Variants in CHRNE observed in about 807,000 individuals in gnomAD.
CHRNE encodes the protein cholinergic receptor nicotinic epsilon subunit.
In CHRNE, 58 loss-of-function variants were observed where a neutral mutation model predicts 56.5. The observed-to-expected ratio is 1.03, with a 90% confidence interval of 0.83 to 1.28. The LOEUF (loss-of-function observed/expected upper bound fraction) is 1.28. CHRNE is among the 50% of genes most tolerant of loss of function. The pLI is 0.00. For synonymous variants in CHRNE, 385 were observed against 297.9 expected (o/e 1.29, Z -3.01); for missense variants, 793 against 688.9 (o/e 1.15, Z -1.69).
upstream of CHRNE, among the ~76,000 whole-genome samples, chr17:4,904,033 T>C (rs1487589530): frequency 6.6e-6 from 1 of 151,906 alleles, no homozygotes; most frequent in African/African-American, 2.4e-5. Flanking sequence ...AATTTTTGTA[T>C]TTTTTAGTAG....
chr17:4,901,311 A>C, intron 6 of CHRNE, 121 bp from the exon 7 acceptor site: 1 of 1,145,704 alleles, frequency 8.7e-7, no homozygotes, highest in South Asian at 1.3e-5. Context: ...GATGGGGGCA[A>C]TTACGGACAG....
upstream of CHRNE, among the ~76,000 whole-genome samples, chr17:4,903,383 T>C (rs1003018187): frequency 2.7e-4 from 41 of 152,132 alleles, no homozygotes; most frequent in Admixed American, 1.5e-3. Flanking sequence ...TGGGAGACAC[T>C]GCTTTCAGCA....
Position 4,902,353 on chromosome 17 carries a change from G to A in CHRNE, c.235-27C>T, listed in dbSNP as rs200966979. The A allele has an allele frequency of 2.2e-4, 358 of 1,613,084 alleles. No individual in the cohort carries two copies. The highest frequency in any genetic ancestry group is 2.9e-4 in the East Asian group (13 of 44,868). On this transcript the variant is annotated intron_variant, in intron 3 of 11. Transcript: ENST00000649488. This position sits in a 1 kb window ranked among gnomAD's most constrained non-coding sequence, Gnocchi z 4.0. ...TAAGGGGTGGGGGATGGAAGGCCGC[G>A]TGCCCTGCATCTCCCACCTGGCGCT...
chr17:4,898,591 A>AGCGG lies in CHRNE; in HGVS notation c.*144_*145insCCGC. ...GCGGCCAGGCCTACACACGCCAGGG[A>AGCGG]ACGGGCACACACCATTCTTGTGAAG... is the stretch of plus-strand genomic sequence containing the variant. On this transcript the variant is annotated 3_prime_UTR_variant, in exon 12 of 12. Transcript: ENST00000649488. The AGCGG allele has an allele frequency of 8.8e-7, 1 of 1,138,310 alleles. No individual in the cohort carries two copies. 70.5% of individuals were successfully genotyped at this position (1,138,310 alleles called of 1,614,324 possible).
At chr17:4,905,358 G>C (rs998379713), upstream of CHRNE, among the ~76,000 whole-genome samples, 1 of 151,292 alleles carries the variant, frequency 6.6e-6, no homozygotes, top group African/African-American at 2.5e-5. Context: ...AGACCAGCCT[G>C]GGCAACACAG....
At chr17:4,903,163 T>G, upstream of CHRNE, 1 of 1,220,240 alleles carries the variant, frequency 8.2e-7, no homozygotes, top group Non-Finnish European at 1.2e-6. Context: ...AGTTCCGGGC[T>G]GTTAGGGGAC....
At chr17:4,900,440 G>A in intron 8 of CHRNE, 9 of 1,551,004 alleles carry the variant, frequency 5.8e-6, no homozygotes, top group African/African-American at 1.4e-5. Flanking sequence ...GACGGGGTCT[G>A]CAGGGGTCTG....
Position 4,899,224 on chromosome 17 carries a change from T to C in CHRNE, c.1193A>G (p.Gln398Arg). 6.2e-7 allele frequency: 1 copy of C among 1,606,986 alleles called. No individual in the cohort carries two copies. Among genetic ancestry groups the C allele is most frequent in the Non-Finnish European group, 8.5e-7 (1 of 1,178,830 alleles). Residue 398 changes from glutamine (Q) to arginine (R), a missense_variant, in exon 10 of 12, where the codon CAG becomes CGG. Gln to Arg is a conservative substitution (Grantham distance 43, BLOSUM62 1). Coordinates refer to ENST00000649488, the MANE Select transcript of CHRNE (RefSeq NM_000080.4). ...CGTCCAGGTCCCCTGCCGGTGCCTC[T>C]GCCCCTCAAACACGAGCTCGCTCCG... ...KPRSELVFEG[Q>R]RHRQGTWTAA...
chr17:4,903,119 G>A (rs950535988), upstream of CHRNE: 13 of 1,588,250 alleles, frequency 8.2e-6, no homozygotes, highest in South Asian at 1.0e-4. Flanking sequence ...GAGGGGGCAT[G>A]CCAGGGTGCC....
rs149083639 is a variant in CHRNE at position 4,898,873 on chromosome 17, G to A, written c.1345C>T (p.Arg449Cys). ...ATGTTGTCAAGGGCATTCCCCATGC[G>A]CACCCAGTCGGACACTTCCTGGGGA... ...ATGEEVSDWV[R>C]MGNALDNICF... Residue 449 changes from arginine (R) to cysteine (C), a missense_variant, in exon 12 of 12, where the codon CGC becomes TGC. Physicochemically the swap from Arg to Cys is radical, Grantham distance 180. Coordinates refer to ENST00000649488, the MANE Select transcript of CHRNE (RefSeq NM_000080.4). 1.3e-5 allele frequency: 20 copies of A among 1,582,816 alleles called. 1 individual carries two copies. Among genetic ancestry groups the A allele is most frequent in the Middle Eastern group, 3.3e-4 (2 of 6,020 alleles).
rs754577734 is a variant in CHRNE, at chr17:4,901,586, A to G, written c.540T>C (p.Phe180=). The G allele has an allele frequency of 1.9e-6, 3 of 1,614,166 alleles. No homozygotes were observed. Among genetic ancestry groups the G allele is most frequent in the Non-Finnish European group, 2.5e-6 (3 of 1,180,010 alleles). The part of the protein sequence containing the change: ...TYNAEEVEFT[F]AVDNDGKTIN... ...TGGTCTTGCCGTCGTTGTCTACGGCAAAAGTGAACTCCACCTCTTCGGCAT... is the reference window on the plus strand; with the variant it reads ...TGGTCTTGCCGTCGTTGTCTACGGCGAAAGTGAACTCCACCTCTTCGGCAT... The change falls in exon 6 of 12, where the codon TTT becomes TTC. Residue 180 remains phenylalanine, a synonymous_variant. Coordinates refer to ENST00000649488, the MANE Select transcript of CHRNE (RefSeq NM_000080.4).
At chr17:4,903,885 T>G (rs1429069326), upstream of CHRNE, among the ~76,000 whole-genome samples, 1 of 152,210 alleles carries the variant, frequency 6.6e-6, no homozygotes, top group East Asian at 1.9e-4. Context: ...TGAGACCAAG[T>G]CTCGCTCTGG....
At chr17:4,904,251 C>G (rs1970060276), upstream of CHRNE, among the ~76,000 whole-genome samples, 1 of 151,830 alleles carries the variant, frequency 6.6e-6, no homozygotes, top group Non-Finnish European at 1.5e-5. Context: ...GACAGGAGTA[C>G]AGTGGCACCA....
chr17:4,906,766 G>C (rs953622795), upstream of CHRNE, among the ~76,000 whole-genome samples: 1 of 151,930 alleles, frequency 6.6e-6, no homozygotes. Context: ...TGGGAAACAA[G>C]AGAGAAAACT....
rs1469760082 is a variant in CHRNE, at chr17:4,901,020, C to A, written c.772G>T (p.Val258Leu). The change falls in exon 7 of 12, where the codon GTG becomes TTG. Residue 258 changes from valine (V) to leucine (L), a missense_variant. Val to Leu is a conservative substitution (Grantham distance 32, BLOSUM62 1). Coordinates refer to ENST00000649488, the MANE Select transcript of CHRNE (RefSeq NM_000080.4). ...GCCGGCAGGAAGTAGGCGAGCAGCA[C>A]CAGGCCCGAGATGAGCACACAGGGC... is the stretch of plus-strand genomic sequence containing the variant. ...IVPCVLISGL[V>L]LLAYFLPAQA... 1 of 1,614,020 alleles carries A rather than the reference C, an allele frequency of 6.2e-7. No homozygotes were observed. The highest frequency in any genetic ancestry group is 8.5e-7 in the Non-Finnish European group (1 of 1,179,922).
At position 4,899,057 on chromosome 17, in the gene CHRNE, C is replaced by T; in HGVS notation, c.1270G>A (p.Val424Met). 6.2e-7 allele frequency: 1 copy of T among 1,611,924 alleles called. No homozygotes were observed. Among genetic ancestry groups the T allele is most frequent in the African/African-American group, 1.3e-5 (1 of 75,054 alleles). ...TCGGCCACGAAGTTCACGGCATCCACACAGCAGCGGACCTCGGGGGCGGCG... is the reference window on the plus strand; with the variant it reads ...TCGGCCACGAAGTTCACGGCATCCATACAGCAGCGGACCTCGGGGGCGGCG... ...GAAAPEVRCC[V>M]DAVNFVAEST... is the part of the protein sequence containing the mutation. Residue 424 changes from valine to methionine, a missense_variant, in exon 11 of 12, where the codon GTG (valine) becomes ATG (methionine). Physicochemically the swap from Val to Met is conservative, Grantham distance 21 (BLOSUM62 1). Coordinates refer to ENST00000649488, the MANE Select transcript of CHRNE (RefSeq NM_000080.4).
chr17:4,902,236 C>T lies in CHRNE; in HGVS notation c.325G>A (p.Glu109Lys), dbSNP rs779426416. 7 of 1,614,114 alleles carry T rather than the reference C, an allele frequency of 4.3e-6. No individual in the cohort carries two copies. Among genetic ancestry groups the T allele is most frequent in the Non-Finnish European group, 5.9e-6 (7 of 1,180,020 alleles). ...TCTCACTTGTTTTCCAGCACAATCT[C>T]TGGCAGCCACACGAGTTCTGAAGGG... The part of the protein sequence containing the change: ...RVPSELVWLP[E>K]IVLENNIDGQ... The change falls in exon 4 of 12, where the codon GAG becomes AAG. Residue 109 changes from glutamate (E) to lysine (K), a missense_variant. Physicochemically the swap from Glu to Lys is moderately conservative, Grantham distance 56. Coordinates refer to ENST00000649488, the MANE Select transcript of CHRNE (RefSeq NM_000080.4). The surrounding 1 kb of genome is among the most constrained non-coding windows in gnomAD (Gnocchi z 4.0).
chr17:4,901,869 G>GGC, intron 5 of CHRNE, 63 bp downstream of exon 5: 50 of 1,541,596 alleles, frequency 3.2e-5, no homozygotes, highest in Non-Finnish European at 3.6e-5. Flanking sequence ...TTCCCGGTTG[G>GGC]CCCCGCCCCA....
Position 4,902,449 on chromosome 17 carries a change from C to T in CHRNE, c.234+1G>A. The T allele has an allele frequency of 6.2e-7, 1 of 1,614,190 alleles. No homozygotes were observed. The highest frequency in any genetic ancestry group is 2.2e-5 in the East Asian group (1 of 44,880). ...CACACCATTCCCCAGATTTGACTCA[C>T]GATTCCAATCCAGACGCTAGTGGTG... On this transcript the variant is annotated splice_donor_variant, in intron 3 of 11. Transcript: ENST00000649488. LOFTEE classifies it high-confidence loss of function. This position sits in a 1 kb window ranked among gnomAD's most constrained non-coding sequence, Gnocchi z 4.0.
Sources: allele counts gnomAD v4.1 joint callset (sites outside exome capture counted in the v4.1 genomes callset), GRCh38; gene constraint gnomAD v4.1.1; non-coding constraint Gnocchi (gnomAD v3.1); transcripts MANE v1.5; gene names NCBI Gene and HGNC (gene_info 2026-07-23, HGNC 2026-07-21).